Variants in CAPRIN2 observed in about 807,000 individuals in gnomAD.
CAPRIN2 encodes the protein caprin-2.
CAPRIN2 carries 66 observed loss-of-function variants against 130.4 expected under a neutral mutation model. That is an observed-to-expected ratio of 0.51 (90% CI 0.42 to 0.62). The LOEUF (loss-of-function observed/expected upper bound fraction) is 0.62, where lower values mean the gene tolerates loss of function less well. Ranked by LOEUF, CAPRIN2 falls within the 20% of genes least tolerant of loss-of-function variation. The probability of loss-of-function intolerance (pLI) is 0.00; values close to 1 mark genes in which losing one functional copy is unlikely to be tolerated. For missense variants in CAPRIN2, 1,185 were observed against 1,246.6 expected (o/e 0.95, Z 0.74); for synonymous variants, 471 against 444.1 (o/e 1.06, Z -0.76).
chr12:30,710,071 A>C lies in CAPRIN2; in HGVS notation c.3065T>G (p.Val1022Gly). 6.2e-7 allele frequency: 1 copy of C among 1,614,176 alleles called. No individual in the cohort carries two copies. Among genetic ancestry groups the C allele is most frequent in the Non-Finnish European group, 8.5e-7 (1 of 1,180,032 alleles). ...AGCACCATCATTGGCATAGGCTGAT[A>C]CCAAGACCTCTTCATTCTTCATGAG... Residue 1022 changes from valine (V) to glycine (G), a missense_variant, in exon 17 of 17, where the codon GTA becomes GGA. Coordinates refer to ENST00000298892, the Ensembl canonical transcript of CAPRIN2. This position sits in a 1 kb window ranked among gnomAD's most constrained non-coding sequence, Gnocchi z 4.8.
Position 30,751,053 on chromosome 12 carries a change from A to G in CAPRIN2, c.483+18T>C, listed in dbSNP as rs1218162696. The G allele has an allele frequency of 6.2e-7, 1 of 1,600,204 alleles. No individual in the cohort carries two copies. Among genetic ancestry groups the G allele is most frequent in the Non-Finnish European group, 8.6e-7 (1 of 1,167,518 alleles). ...AAGAAAACCAGCAAGTCTTACTAAA[A>G]GATCATAAGCCACTTACCAACTGGT... On this transcript the variant is annotated intron_variant, in intron 2 of 16. Coordinates refer to ENST00000298892, the Ensembl canonical transcript of CAPRIN2.
At chr12:30,753,903 C>G in exon 1 of CAPRIN2, 2 of 758,896 alleles carry the variant, frequency 2.6e-6, no homozygotes, top group Non-Finnish European at 4.3e-6. Context: ...GAGCTCCTTT[C>G]TTCTCATGAG....
intron 13 of CAPRIN2, chr12:30,715,671 T>C (rs963414650): frequency 7.9e-6 from 2 of 254,234 alleles, no homozygotes; most frequent in African/African-American, 4.7e-5. Context: ...GTAATTTTTA[T>C]GTTATGTATA....
chr12:30,753,499 C>T (rs745446387), exon 1 of CAPRIN2: 9 of 1,614,038 alleles, frequency 5.6e-6, no homozygotes, highest in South Asian at 3.3e-5. Flanking sequence ...CTGTGGTTCA[C>T]TTGGGGCTTG....
chr12:30,749,997 C>A (rs889725689), intron 2 of CAPRIN2, among the ~76,000 whole-genome samples: 1 of 152,298 alleles, frequency 6.6e-6, no homozygotes, highest in East Asian at 1.9e-4. Flanking sequence ...AGGAACACAA[C>A]TCTAACAGGA....
intron 5 of CAPRIN2, among the ~76,000 whole-genome samples, chr12:30,731,730 T>A (rs1021386121): frequency 2.6e-5 from 4 of 152,044 alleles, no homozygotes; most frequent in African/African-American, 9.7e-5. Flanking sequence ...CCATCTTTAT[T>A]TTATGCTGAA....
intron 3 of CAPRIN2, among the ~76,000 whole-genome samples, chr12:30,736,058 T>C (rs1207972222): frequency 6.6e-6 from 1 of 151,936 alleles, no homozygotes; most frequent in Non-Finnish European, 1.5e-5. Flanking sequence ...GACAGATTGC[T>C]TGAGCCCGGG....
chr12:30,724,991 T>G (rs1270177563), intron 9 of CAPRIN2, among the ~76,000 whole-genome samples: 1 of 152,080 alleles, frequency 6.6e-6, no homozygotes, highest in Non-Finnish European at 1.5e-5. Flanking sequence ...TGGGACCCTG[T>G]CTTTAAACAA....
intron 1 of CAPRIN2, among the ~76,000 whole-genome samples, chr12:30,752,392 A>G (rs1302633730): frequency 1.3e-5 from 2 of 152,174 alleles, no homozygotes; most frequent in African/African-American, 4.8e-5. Flanking sequence ...TAGTTCCTCC[A>G]CCTGAGGGAG....
In CAPRIN2 at chr12:30,724,463, AT is replaced by A. The variant is rs761287391; in HGVS notation, c.1906-13del. The A allele has an allele frequency of 1.3e-6, 2 of 1,552,664 alleles. No individual in the cohort carries two copies. Among genetic ancestry groups the A allele is most frequent in the Non-Finnish European group, 1.8e-6 (2 of 1,124,192 alleles). On this transcript the variant is annotated splice_polypyrimidine_tract_variant and intron_variant, in intron 9 of 16. Transcript: ENST00000298892. ...TCAAGAACAGACTCCTAAAGATATG[AT>A]TTTAAATAAAGAGTGGAAACAGAGA...
intron 4 of CAPRIN2, among the ~76,000 whole-genome samples, chr12:30,734,192 A>G (rs1012352655): frequency 1.3e-5 from 2 of 152,246 alleles, no homozygotes; most frequent in Non-Finnish European, 2.9e-5. Context: ...GGAGTAGACT[A>G]TCAGCATGAG....
At chr12:30,726,380 T>C (rs1347127735) in intron 8 of CAPRIN2, among the ~76,000 whole-genome samples, 1 of 152,146 alleles carries the variant, frequency 6.6e-6, no homozygotes, top group Non-Finnish European at 1.5e-5. Context: ...AGTTACCATA[T>C]GTCCTCTAGG....
rs1461291669 is a variant in CAPRIN2 at position 30,720,889 on chromosome 12, G to A, written c.2070C>T (p.Ser690=). The change falls in exon 12 of 17, where the codon AGC becomes AGT. Residue 690 remains serine (S), a synonymous_variant. Transcript: ENST00000298892. ...CGGTAGTAACCAAGCAAGCATTTGA[G>A]CTACAAGTAACTGGAGAAGAAGTAG... 2.5e-6 allele frequency: 4 copies of A among 1,613,200 alleles called. No individual in the cohort carries two copies. The African/African-American group carries it at 5.3e-5, about 22-fold the overall frequency.
chr12:30,720,811 C>T (rs200247569), exon 12 of CAPRIN2: 2 of 1,573,540 alleles, frequency 1.3e-6, no homozygotes, highest in Non-Finnish European at 1.7e-6. Context: ...GGTCTTTTAC[C>T]TCAGGAGTCT....
chr12:30,711,628 T>C (rs1233085546), exon 16 of CAPRIN2: 1 of 1,612,714 alleles, frequency 6.2e-7, no homozygotes, highest in Admixed American at 1.7e-5. Context: ...CTGGAAATTA[T>C]CCTAAAGTGA....
At chr12:30,743,254 G>A (rs2068367622) in intron 2 of CAPRIN2, among the ~76,000 whole-genome samples, 1 of 151,736 alleles carries the variant, frequency 6.6e-6, no homozygotes, top group Non-Finnish European at 1.5e-5. Flanking sequence ...GCTTAAATCA[G>A]CATTTTACAA....
Position 30,724,362 on chromosome 12 carries a change from TTACA to T in CAPRIN2, c.1987+4_1987+7del. The stretch of plus-strand genomic sequence containing the variant: ...CGTTTGCTCCAAGTCTTTAGAATGA[TTACA>T]TACCTACGGGGCTACCTGGAGTAGC... On this transcript the variant is annotated splice_donor_5th_base_variant and intron_variant, in intron 10 of 16. Transcript: ENST00000298892. The T allele has an allele frequency of 6.3e-7, 1 of 1,582,956 alleles. No homozygotes were observed. Among genetic ancestry groups the T allele is most frequent in the Non-Finnish European group, 8.7e-7 (1 of 1,151,702 alleles).
intron 5 of CAPRIN2, among the ~76,000 whole-genome samples, chr12:30,732,418 A>G (rs1287569949): frequency 6.6e-6 from 1 of 152,008 alleles, no homozygotes; most frequent in Admixed American, 6.6e-5. Flanking sequence ...CAGCTTTCAG[A>G]TATAATTTAC....
At chr12:30,739,252 A>G (rs1011055396) in intron 3 of CAPRIN2, among the ~76,000 whole-genome samples, 1 of 152,244 alleles carries the variant, frequency 6.6e-6, no homozygotes, top group Non-Finnish European at 1.5e-5. Flanking sequence ...TGTCCTTTGC[A>G]GGAACATGGA....
Sources: allele counts gnomAD v4.1 joint callset (sites outside exome capture counted in the v4.1 genomes callset), GRCh38; gene constraint gnomAD v4.1.1; non-coding constraint Gnocchi (gnomAD v3.1); transcripts MANE v1.5; gene names NCBI Gene and HGNC (gene_info 2026-07-23, HGNC 2026-07-21).